COL1A2: variants seen among roughly 807,000 people sequenced by gnomAD.
COL1A2 encodes the protein collagen alpha-2(I) chain.
Under a neutral mutation model 174.3 loss-of-function variants are expected in COL1A2, and 49 were observed. The observed-to-expected ratio is 0.28, with a 90% CI of 0.22 to 0.36. The LOEUF (loss-of-function observed/expected upper bound fraction) is 0.36, where lower values mean the gene tolerates loss of function less well. Among genes scored for constraint, COL1A2 ranks in the 10% least tolerant of loss-of-function variants. The probability of loss-of-function intolerance (pLI) is 1.00; values close to 1 mark genes in which losing one functional copy is unlikely to be tolerated. For missense variants in COL1A2, 1,438 were observed against 1,822.7 expected, an observed-to-expected ratio of 0.79 and a Z score of 3.84; for synonymous variants, 655 against 606.6, an observed-to-expected ratio of 1.08 and a Z score of -1.17.
chr7:94,424,388 T>C lies in COL1A2; in HGVS notation c.2618T>C (p.Leu873Pro). 1 of 1,614,112 alleles carries C rather than the reference T, an allele frequency of 6.2e-7. No homozygotes were observed. ...GGTCTTCTTGGTGCTCCTGGTATTC[T>C]GGGTCTCCCTGGCTCGAGAGGTGAA... Reference protein sequence around the residue: ...PQGLLGAPGILGLPGSRGERG... With the variant: ...PQGLLGAPGIPGLPGSRGERG... The change falls in exon 41 of 52, where the codon CTG becomes CCG. Residue 873 changes from leucine to proline, a missense_variant. Leu to Pro is a moderately conservative substitution (Grantham distance 98). Transcript: ENST00000297268.
Position 94,417,842 on chromosome 7 carries a change from A to AC in COL1A2, c.1971+15dup, listed in dbSNP as rs1255560249. The AC allele has an allele frequency of 1.9e-6, 3 of 1,572,618 alleles. No individual in the cohort carries two copies. The East Asian group carries it at 6.9e-5, about 36-fold the overall frequency. ...GGCAAGGGAGAAAAGGTACGTGTTG[A>AC]CCCCTATTACATATTGTTGATGAAC... On this transcript the variant is annotated intron_variant, in intron 32 of 51. Coordinates refer to ENST00000297268, the MANE Select transcript of COL1A2 (RefSeq NM_000089.4).
intron 42 of COL1A2, 94 bp from the exon 43 acceptor site, chr7:94,425,516 C>A: frequency 7.9e-7 from 1 of 1,262,026 alleles, no homozygotes; most frequent in Non-Finnish European, 1.2e-6. Flanking sequence ...CGTTACTGAG[C>A]ACTGGAAGTG....
At chr7:94,421,748 T>A in intron 38 of COL1A2, 151 bp from the exon 39 acceptor site, 1 of 695,686 alleles carries the variant, frequency 1.4e-6, no homozygotes, top group Non-Finnish European at 2.5e-6. Flanking sequence ...GGGTCCTGGC[T>A]AAATAATGCC....
At position 94,394,961 on chromosome 7, in the gene COL1A2, G is replaced by A; in HGVS notation, c.-71G>A. On this transcript the variant is annotated 5_prime_UTR_variant, in exon 1 of 52. Coordinates refer to ENST00000297268, the MANE Select transcript of COL1A2 (RefSeq NM_000089.4). Reference sequence around the variant, plus strand: ...TGGCCACGACTGCATGCCCGCGCCCGCCAGGTGATACCTCCGCCGGTGACC... The same window carrying A: ...TGGCCACGACTGCATGCCCGCGCCCACCAGGTGATACCTCCGCCGGTGACC... 2.9e-6 allele frequency: 4 copies of A among 1,402,614 alleles called. No individual in the cohort carries two copies. The highest frequency in any genetic ancestry group is 4.0e-6 in the Non-Finnish European group (4 of 989,516). The allele number at this position is 1,402,614 out of a possible 1,614,324, so 86.9% of individuals were successfully genotyped here.
Position 94,419,501 on chromosome 7 carries a change from G to T in COL1A2, c.2029G>T (p.Ala677Ser). The part of the protein sequence containing the change: ...GNPGRDGARG[A>S]PGAVGAPGPA... Reference sequence around the variant, plus strand: ...CATGTTTCCTTTTTGGTACTAGGGTGCTCCTGGTGCTGTAGGTGCCCCTGG... The same window carrying T: ...CATGTTTCCTTTTTGGTACTAGGGTTCTCCTGGTGCTGTAGGTGCCCCTGG... The change falls in exon 34 of 52, where the codon GCT (alanine) becomes TCT (serine). Residue 677 changes from alanine (A) to serine (S), a missense_variant. Physicochemically the swap from Ala to Ser is moderately conservative, Grantham distance 99. Around this residue, in one of 3 missense-constraint regions of COL1A2, gnomAD observed 867 missense variants for 1,213.7 expected, o/e 0.71. Coordinates refer to ENST00000297268, the MANE Select transcript of COL1A2 (RefSeq NM_000089.4). 1 of 1,614,068 alleles carries T rather than the reference G, an allele frequency of 6.2e-7. No homozygotes were observed. The highest frequency in any genetic ancestry group is 8.5e-7 in the Non-Finnish European group (1 of 1,179,994).
Position 94,427,675 on chromosome 7 carries a change from G to A in COL1A2, c.3316G>A (p.Gly1106Ser). The change falls in exon 49 of 52, where the codon GGT (glycine) becomes AGT (serine). Residue 1106 changes from glycine (G) to serine (S), a missense_variant. Physicochemically the swap from Gly to Ser is moderately conservative, Grantham distance 56 (BLOSUM62 0). Coordinates refer to ENST00000297268, the MANE Select transcript of COL1A2 (RefSeq NM_000089.4). ...TCCTGGACCTCCAGGTGTAAGCGGT[G>A]GTGGTTATGACTTTGGTTACGATGG... is the stretch of plus-strand genomic sequence containing the variant. ...GPPGPPGVSG[G>S]GYDFGYDGDF... is the part of the protein sequence containing the mutation. 1 of 1,614,146 alleles carries A rather than the reference G, an allele frequency of 6.2e-7. No homozygotes were observed. The highest frequency in any genetic ancestry group is 8.5e-7 in the Non-Finnish European group (1 of 1,180,034).
In COL1A2 at chr7:94,411,130, G is replaced by T. The variant is rs779173151; in HGVS notation, c.1326G>T (p.Gly442=). The part of the protein sequence containing the change: ...RGPNGDAGRP[G]EPGLMGPRGL... ...CTAATGGAGATGCTGGTCGCCCTGG[G>T]GAGCCTGGTCTCATGGGACCCAGAG... is the stretch of plus-strand genomic sequence containing the variant. Residue 442 remains glycine (G), a synonymous_variant, in exon 23 of 52, where the codon GGG becomes GGT. Transcript: ENST00000297268. The T allele has an allele frequency of 7.5e-6, 12 of 1,594,116 alleles. No individual in the cohort carries two copies. The highest frequency in any genetic ancestry group is 1.0e-5 in the Non-Finnish European group (12 of 1,169,526).
Position 94,405,829 on chromosome 7 carries a change from C to T in COL1A2, c.540+103C>T, listed in dbSNP as rs1295576403. ...GGTGACATATACTCACTTTCAAATC[C>T]CTGGAGTTTGCCAAAGGGAAGAAAG... On this transcript the variant is annotated intron_variant, in intron 11 of 51. Coordinates refer to ENST00000297268, the MANE Select transcript of COL1A2 (RefSeq NM_000089.4). 9.1e-6 allele frequency: 9 copies of T among 984,752 alleles called. No individual in the cohort carries two copies. The Admixed American group carries it at 1.2e-4, about 13-fold the overall frequency. The allele number at this position is 984,752 out of a possible 1,614,324, so 61.0% of individuals were successfully genotyped here.
rs1303276937 is a variant in COL1A2 at position 94,411,124 on chromosome 7, C to A, written c.1320C>A (p.Arg440=). The part of the protein sequence containing the change: ...GVRGPNGDAG[R]PGEPGLMGPR... ...GAGGACCTAATGGAGATGCTGGTCG[C>A]CCTGGGGAGCCTGGTCTCATGGGAC... The change falls in exon 23 of 52, where the codon CGC becomes CGA. Residue 440 remains arginine (R), a synonymous_variant. Coordinates refer to ENST00000297268, the MANE Select transcript of COL1A2 (RefSeq NM_000089.4). 8 of 1,596,704 alleles carry A rather than the reference C, an allele frequency of 5.0e-6. No homozygotes were observed. The highest frequency in any genetic ancestry group is 6.8e-6 in the Non-Finnish European group (8 of 1,171,058).
chr7:94,405,747 G>A, intron 11 of COL1A2, 21 bp downstream of exon 11: 1 of 1,604,066 alleles, frequency 6.2e-7, no homozygotes, highest in Non-Finnish European at 8.5e-7. Context: ...TCTTTACTCA[G>A]AAGAGAGAAA....
At chr7:94,413,859 G>A (rs202158421) in intron 27 of COL1A2, 35 bp from the exon 28 acceptor site, 169 of 1,613,044 alleles carry the variant, frequency 1.0e-4, no homozygotes, top group Non-Finnish European at 1.3e-4. Context: ...GGTGACATAC[G>A]TTGCTATTTA....
chr7:94,410,156 G>A (rs1017938400), intron 19 of COL1A2, 86 bp from the exon 20 acceptor site: 1 of 1,386,810 alleles, frequency 7.2e-7, no homozygotes, highest in African/African-American at 1.4e-5. Flanking sequence ...TCTTTACCTT[G>A]ACCCACAAAT....
intron 29 of COL1A2, among the ~76,000 whole-genome samples, 185 bp from the exon 30 acceptor site, chr7:94,415,041 A>G (rs1263474433): frequency 6.6e-6 from 1 of 152,220 alleles, no homozygotes; most frequent in Non-Finnish European, 1.5e-5. Flanking sequence ...TTTTGTCACC[A>G]ATAAAATTCT....
chr7:94,423,167 A>G (rs1792204948), intron 40 of COL1A2, 49 bp downstream of exon 40: 2 of 1,604,138 alleles, frequency 1.2e-6, no homozygotes, highest in East Asian at 2.2e-5. Flanking sequence ...CTGAATTAAA[A>G]TAAAGCCCCT....
intron 4 of COL1A2, 133 bp from the exon 5 acceptor site, chr7:94,400,063 T>C (rs769369091): frequency 2.4e-6 from 2 of 840,788 alleles, no homozygotes; most frequent in Non-Finnish European, 4.1e-6. Context: ...TTTCAATCAA[T>C]GACAAATATA....
Position 94,410,278 on chromosome 7 carries a change from G to A in COL1A2, c.1072G>A (p.Gly358Ser), listed in dbSNP as rs66619856. 1 of 1,613,928 alleles carries A rather than the reference G, an allele frequency of 6.2e-7. No individual in the cohort carries two copies. Among genetic ancestry groups the A allele is most frequent in the Non-Finnish European group, 8.5e-7 (1 of 1,180,016 alleles). The change falls in exon 20 of 52, where the codon GGT becomes AGT. Residue 358 changes from glycine to serine, a missense_variant. This residue lies in a region of COL1A2 where 867 missense variants were observed against 1,213.7 expected (regional missense o/e 0.71). Transcript: ENST00000297268. ...PGPAGSKGES[G>S]NKGEPGSAGP... ...TCCAGCTGGCTCCAAAGGAGAGAGCGGTAACAAGGGTGAGCCCGTAAGTAG... is the reference window on the plus strand; with the variant it reads ...TCCAGCTGGCTCCAAAGGAGAGAGCAGTAACAAGGGTGAGCCCGTAAGTAG...
intron 41 of COL1A2, 129 bp downstream of exon 41, chr7:94,424,572 C>G (rs564991019): frequency 2.8e-4 from 221 of 793,270 alleles, no homozygotes; most frequent in Non-Finnish European, 4.2e-4. Flanking sequence ...TTTCTTTATA[C>G]AGATCACATG....
chr7:94,394,940 C>T lies in COL1A2; in HGVS notation c.-92C>T. On this transcript the variant is annotated 5_prime_UTR_variant, in exon 1 of 52. Coordinates refer to ENST00000297268, the MANE Select transcript of COL1A2 (RefSeq NM_000089.4). ...TTTCGGCTAAGTTGGAGGTACTGGCCACGACTGCATGCCCGCGCCCGCCAG... is the reference window on the plus strand; with the variant it reads ...TTTCGGCTAAGTTGGAGGTACTGGCTACGACTGCATGCCCGCGCCCGCCAG... The T allele has an allele frequency of 9.6e-7, 1 of 1,041,644 alleles. No individual in the cohort carries two copies. The highest frequency in any genetic ancestry group is 1.5e-6 in the Non-Finnish European group (1 of 660,190). The allele number at this position is 1,041,644 out of a possible 1,614,324, so 64.5% of individuals were successfully genotyped here. A position where few individuals can be genotyped will look rare whatever the true frequency, so the allele number is the denominator to read the frequency against.
chr7:94,404,152 TAGCTA>T (rs770351443), intron 6 of COL1A2, among the ~76,000 whole-genome samples: 4 of 152,208 alleles, frequency 2.6e-5, no homozygotes, highest in Non-Finnish European at 5.9e-5. Flanking sequence ...ACCAATTTCT[TAGCTA>T]AATATGACAT....
Sources: allele counts gnomAD v4.1 joint callset (sites outside exome capture counted in the v4.1 genomes callset), GRCh38; gene constraint gnomAD v4.1.1; regional missense constraint gnomAD v4.1.1; transcripts MANE v1.5; gene names NCBI Gene and HGNC (gene_info 2026-07-23, HGNC 2026-07-21).